The following SUPT7L variants were observed in gnomAD, a reference collection of about 807,000 sequenced individuals.
The protein encoded by SUPT7L is SPT7 like, STAGA complex subunit gamma, also known as STAGA complex 65 subunit gamma.
SUPT7L carries 15 observed loss-of-function variants against 35.7 expected under a neutral mutation model. The ratio of observed to expected loss-of-function variants is 0.42; its 90% CI spans 0.28 to 0.65. SUPT7L has a LOEUF of 0.65. SUPT7L is among the 30% of genes least tolerant of loss of function. SUPT7L has a pLI of 0.23. For synonymous variants in SUPT7L, 168 were observed against 186.2 expected, an observed-to-expected ratio of 0.90 and a Z score of 0.79; for missense variants, 434 against 522.2, an observed-to-expected ratio of 0.83 and a Z score of 1.65.
chr2:27,663,140 T>C (rs747821625), intron 1 of SUPT7L, among the ~76,000 whole-genome samples, 189 bp downstream of exon 1: 55 of 151,976 alleles, frequency 3.6e-4, no homozygotes, highest in Non-Finnish European at 8.8e-5. Flanking sequence ...CTAATAATCT[T>C]ATCCCCATTT....
At position 27,662,130 on chromosome 2, in the gene SUPT7L, A is replaced by C. The variant is rs192446653; in HGVS notation, c.14+49T>G. 252 of 1,613,952 alleles carry C rather than the reference A, an allele frequency of 1.6e-4. 3 individuals carry two copies. In the East Asian group the frequency reaches 5.2e-3, roughly 33 times the overall value. On this transcript the variant is annotated intron_variant, in intron 2 of 5. Transcript: ENST00000337768. ...CCATTGCCTATTGGAAAAAGTCAGA[A>C]TTCCTTGGCTTACCATTCAACAAAA...
At chr2:27,661,875 G>C (rs1273094293) in intron 2 of SUPT7L, 2 of 455,152 alleles carry the variant, frequency 4.4e-6, no homozygotes, top group Non-Finnish European at 7.9e-6. Flanking sequence ...TAGGGTTAAA[G>C]ATAATAAGAA....
intron 5 of SUPT7L, 36 bp from the exon 6 acceptor site, chr2:27,653,783 T>C (rs1345849986): frequency 1.2e-6 from 2 of 1,613,002 alleles, no homozygotes; most frequent in Non-Finnish European, 1.7e-6. Context: ...ACACCAAGTG[T>C]ATATGTGTAG....
chr2:27,655,986 A>G (rs1350767961), intron 4 of SUPT7L, among the ~76,000 whole-genome samples: 1 of 151,612 alleles, frequency 6.6e-6, no homozygotes, highest in Non-Finnish European at 1.5e-5. Context: ...GGAGTCTGAG[A>G]CCAGCTTGGG....
chr2:27,661,634 T>A (rs1356359435), intron 2 of SUPT7L: 1 of 1,357,274 alleles, frequency 7.4e-7, no homozygotes, highest in Non-Finnish European at 9.5e-7. Context: ...AACTGTTAGA[T>A]GCTGGTTATT....
Position 27,650,868 on chromosome 2 carries a change from C to G in SUPT7L, c.*2617G>C, listed in dbSNP as rs183970711. 6.5e-6 allele frequency: 1 copy of G among 152,784 alleles called. No individual in the cohort carries two copies. The highest frequency in any genetic ancestry group is 1.5e-5 in the Non-Finnish European group (1 of 68,030). The allele number at this position is 152,784 out of a possible 1,614,324, so 9.5% of individuals were successfully genotyped here. ...TTAACTTTGTTCTAAGACTGCTTGT[C>G]ATGATTTCAAATTAGAAAATTATAT... On this transcript the variant is annotated 3_prime_UTR_variant, in exon 6 of 6. Transcript: ENST00000337768.
At position 27,663,366 on chromosome 2, in the gene SUPT7L, A is replaced by C. The variant is rs1235612570; in HGVS notation, c.-127T>G. Reference sequence around the variant, plus strand: ...GAAGAACAGGCACGGAGCCCAAGGAATGCCCAAGTCCCTCCAGGGGTTTCC... The same window carrying C: ...GAAGAACAGGCACGGAGCCCAAGGACTGCCCAAGTCCCTCCAGGGGTTTCC... On this transcript the variant is annotated 5_prime_UTR_variant, in exon 1 of 6. Transcript: ENST00000337768. 2 of 189,036 alleles carry C rather than the reference A, an allele frequency of 1.1e-5. No individual in the cohort carries two copies. The highest frequency in any genetic ancestry group is 2.2e-5 in the Non-Finnish European group (2 of 89,010). 11.7% of individuals were successfully genotyped at this position (189,036 alleles called of 1,614,324 possible).
At position 27,651,708 on chromosome 2, in the gene SUPT7L, A is replaced by G. The variant is rs1179485269; in HGVS notation, c.*1777T>C. The G allele has an allele frequency of 6.6e-6, 1 of 152,200 alleles. No individual in the cohort carries two copies. Among genetic ancestry groups the G allele is most frequent in the Non-Finnish European group, 1.5e-5 (1 of 68,030 alleles). The allele number at this position is 152,200 out of a possible 1,614,324, so 9.4% of individuals were successfully genotyped here. On this transcript the variant is annotated 3_prime_UTR_variant, in exon 6 of 6. Coordinates refer to ENST00000337768, the MANE Select transcript of SUPT7L (RefSeq NM_014860.3). ...AAAGGGTAAGGAAGAAGTCTTAATC[A>G]TTTTTGTATTCCTTGCACAGGACCT...
chr2:27,648,261 T>C (rs1674341622), downstream of SUPT7L, among the ~76,000 whole-genome samples: 1 of 152,232 alleles, frequency 6.6e-6, no homozygotes, highest in Non-Finnish European at 1.5e-5. Context: ...GGCTCATGCC[T>C]GTAATCCCAC....
rs912573477 is a variant in SUPT7L at position 27,662,043 on chromosome 2, GT to G, written c.14+135del. The G allele has an allele frequency of 4.5e-5, 53 of 1,168,078 alleles. No individual in the cohort carries two copies. In the African/African-American group the frequency reaches 7.0e-4, roughly 15 times the overall value. The allele number at this position is 1,168,078 out of a possible 1,614,324, so 72.4% of individuals were successfully genotyped here. Reference sequence around the variant, plus strand: ...CCCTTCCTCCAATCTCTCTTTGTATGTCATCTATTCTCTACACTGCTGCTAG... The same window carrying G: ...CCCTTCCTCCAATCTCTCTTTGTATGCATCTATTCTCTACACTGCTGCTAG... On this transcript the variant is annotated intron_variant, in intron 2 of 5. Coordinates refer to ENST00000337768, the MANE Select transcript of SUPT7L (RefSeq NM_014860.3).
intron 5 of SUPT7L, 84 bp from the exon 6 acceptor site, chr2:27,653,831 C>A (rs1451798132): frequency 3.3e-6 from 5 of 1,518,178 alleles, no homozygotes; most frequent in Admixed American, 3.5e-5. Context: ...TCACTCAGAA[C>A]CAACTAATAT....
intron 3 of SUPT7L, 52 bp downstream of exon 3, chr2:27,660,932 T>C (rs1675069155): frequency 1.3e-6 from 2 of 1,557,824 alleles, no homozygotes; most frequent in African/African-American, 1.4e-5. Flanking sequence ...CTTAACAGGG[T>C]TGTTGGGAAG....
Position 27,655,684 on chromosome 2 carries a change from C to T in SUPT7L, c.745-82G>A. On this transcript the variant is annotated intron_variant, in intron 4 of 5. Transcript: ENST00000337768. ...CAGCTTGTGACGTCCCATGGAAAAGCCAACAGAACATGAATAACAGAATTT... is the reference window on the plus strand; with the variant it reads ...CAGCTTGTGACGTCCCATGGAAAAGTCAACAGAACATGAATAACAGAATTT... 5 of 1,190,264 alleles carry T rather than the reference C, an allele frequency of 4.2e-6. No individual in the cohort carries two copies. The South Asian group carries it at 7.6e-5, about 18-fold the overall frequency. 73.7% of individuals were successfully genotyped at this position (1,190,264 alleles called of 1,614,324 possible). A position where few individuals can be genotyped will look rare whatever the true frequency, so the allele number is the denominator to read the frequency against.
the SUPT7L span, among the ~76,000 whole-genome samples, chr2:27,644,140 A>G: frequency 6.6e-6 from 1 of 152,172 alleles, no homozygotes; most frequent in Non-Finnish European, 1.5e-5. Context: ...GCGCCACTGC[A>G]CTCCAGCCTG....
intron 4 of SUPT7L, among the ~76,000 whole-genome samples, chr2:27,655,832 C>T (rs1674779750): frequency 6.6e-6 from 1 of 152,148 alleles, no homozygotes; most frequent in African/African-American, 2.4e-5. Flanking sequence ...TTAAAAGTTA[C>T]ATAAAGGTAA....
downstream of SUPT7L, among the ~76,000 whole-genome samples, chr2:27,647,429 C>A (rs76083624): frequency 1.3e-5 from 2 of 152,298 alleles, no homozygotes; most frequent in South Asian, 2.1e-4. Context: ...TCTGAACTTA[C>A]ATTTCCACCA....
In SUPT7L at chr2:27,651,241, A is replaced by G. The variant is rs1674530916; in HGVS notation, c.*2244T>C. The stretch of plus-strand genomic sequence containing the variant: ...CTTAGTGGTTCTCACATTGTGGACC[A>G]GGAGCATCAGCATCATCTGGGGAAT... On this transcript the variant is annotated 3_prime_UTR_variant, in exon 6 of 6. Transcript: ENST00000337768. 1 of 152,306 alleles carries G rather than the reference A, an allele frequency of 6.6e-6. No individual in the cohort carries two copies. The highest frequency in any genetic ancestry group is 2.4e-5 in the African/African-American group (1 of 41,470). The allele number at this position is 152,306 out of a possible 1,614,324, so 9.4% of individuals were successfully genotyped here. A position where few individuals can be genotyped will look rare whatever the true frequency, so the allele number is the denominator to read the frequency against.
rs775824239 is a variant in SUPT7L at position 27,661,048 on chromosome 2, C to T, written c.355G>A (p.Asp119Asn). 11 of 1,614,016 alleles carry T rather than the reference C, an allele frequency of 6.8e-6. No individual in the cohort carries two copies. The East Asian group carries it at 1.6e-4, about 23-fold the overall frequency. ...PPLPDDLLPL[D>N]CKNPNAPFQI... ...AATGGTGCATTGGGATTCTTACAAT[C>T]TAAAGGCAGGAGGTCATCAGGGAGA... is the stretch of plus-strand genomic sequence containing the variant. Residue 119 changes from aspartate (D) to asparagine (N), a missense_variant, in exon 3 of 6, where the codon GAT becomes AAT. This residue lies in a region of SUPT7L where 198 missense variants were observed against 190.8 expected (regional missense o/e 1.04). Coordinates refer to ENST00000337768, the MANE Select transcript of SUPT7L (RefSeq NM_014860.3).
chr2:27,647,002 G>C (rs142628734), downstream of SUPT7L, among the ~76,000 whole-genome samples: 1 of 152,208 alleles, frequency 6.6e-6, no homozygotes, highest in African/African-American at 2.4e-5. Flanking sequence ...ACCTGTTGAA[G>C]GTTGGGAGAG....
Sources: allele counts gnomAD v4.1 joint callset (sites outside exome capture counted in the v4.1 genomes callset), GRCh38; gene constraint gnomAD v4.1.1; regional missense constraint gnomAD v4.1.1; transcripts MANE v1.5; gene names NCBI Gene and HGNC (gene_info 2026-07-23, HGNC 2026-07-21).